Variants in AKAP13 observed in about 807,000 individuals in gnomAD.
The protein encoded by AKAP13 is A-kinase anchoring protein 13.
A neutral mutation model predicts 264.5 loss-of-function variants in AKAP13; 80 were observed. The ratio of observed to expected loss-of-function variants is 0.30; its 90% CI spans 0.25 to 0.36. The LOEUF is 0.36. AKAP13 is among the 10% of genes least tolerant of loss of function. The probability of loss-of-function intolerance (pLI) is 1.00; values close to 1 mark genes in which losing one functional copy is unlikely to be tolerated. For synonymous variants in AKAP13, 1,380 were observed against 1,250.2 expected (o/e 1.10, Z -2.19); for missense variants, 3,712 against 3,435.2 (o/e 1.08, Z -2.01).
intron 1 of AKAP13, among the ~76,000 whole-genome samples, chr15:85,468,504 T>C (rs1287080945): frequency 6.6e-6 from 1 of 152,224 alleles, no homozygotes; most frequent in Non-Finnish European, 1.5e-5. Context: ...CATATTAGCA[T>C]TTTAACAATA....
intron 17 of AKAP13, among the ~76,000 whole-genome samples, chr15:85,705,590 A>C (rs1195063497): frequency 6.6e-6 from 1 of 152,256 alleles, no homozygotes; most frequent in Non-Finnish European, 1.5e-5. Flanking sequence ...TTTGAACGAC[A>C]TTAGAGTGTG....
rs756586408 is a variant in AKAP13, at chr15:85,581,507, G to A, written c.3439G>A (p.Val1147Ile). Residue 1147 changes from valine to isoleucine, a missense_variant, in exon 7 of 37, where the codon GTT (valine) becomes ATT (isoleucine). Around this residue, in one of 3 missense-constraint regions of AKAP13, gnomAD observed 2,759 missense variants for 2,411.7 expected, o/e 1.14. Coordinates refer to ENST00000394518, the MANE Select transcript of AKAP13 (RefSeq NM_007200.5). ...QDKAVTDPQG[V>I]GTPEMIPLDW... Reference sequence around the variant, plus strand: ...CAAAGCTGTGACTGACCCACAGGGAGTTGGAACCCCAGAGATGATACCTCT... The same window carrying A: ...CAAAGCTGTGACTGACCCACAGGGAATTGGAACCCCAGAGATGATACCTCT... 2 of 1,614,244 alleles carry A rather than the reference G, an allele frequency of 1.2e-6. No homozygotes were observed. The highest frequency in any genetic ancestry group is 2.2e-5 in the South Asian group (2 of 91,088).
In AKAP13 at chr15:85,724,421, GGAGAAAGTGTTCCCCACACTAAGGAA is replaced by G. The variant is rs1794307174; in HGVS notation, c.6745+1111_6745+1136del. Reference sequence around the variant, plus strand: ...AGTCTTGAAGGATGACGGCACATAAGGAGAAAGTGTTCCCCACACTAAGGAAGAGAAAGTGGAAGCACAGAGTTGAA... The same window carrying G: ...AGTCTTGAAGGATGACGGCACATAAGGAGAAAGTGGAAGCACAGAGTTGAA... On this transcript the variant is annotated intron_variant, in intron 26 of 36. Coordinates refer to ENST00000394518, the MANE Select transcript of AKAP13 (RefSeq NM_007200.5). The surrounding 1 kb of genome is among the most constrained non-coding windows in gnomAD (Gnocchi z 4.2). Among the ~76,000 whole-genome samples the G allele has an allele frequency of 6.6e-6, 1 of 152,130 alleles. No individual in the cohort carries two copies. Among genetic ancestry groups the G allele is most frequent in the East Asian group, 1.9e-4 (1 of 5,140 alleles).
intron 14 of AKAP13, among the ~76,000 whole-genome samples, chr15:85,675,310 G>A (rs896225257): frequency 6.6e-6 from 1 of 152,200 alleles, no homozygotes; most frequent in Non-Finnish European, 1.5e-5. Context: ...AGAAACTAGT[G>A]TGTATTTGTA....
intron 8 of AKAP13, among the ~76,000 whole-genome samples, chr15:85,593,897 A>G (rs1325118415): frequency 6.6e-6 from 1 of 152,216 alleles, no homozygotes; most frequent in Non-Finnish European, 1.5e-5. Flanking sequence ...AGTTTTGCCA[A>G]CTACCAGCTG....
rs2077660797 is a variant in AKAP13, at chr15:85,544,247, C to G, written c.662+292C>G. On this transcript the variant is annotated intron_variant, in intron 5 of 36. Coordinates refer to ENST00000394518, the MANE Select transcript of AKAP13 (RefSeq NM_007200.5). ...ACTCAAAAGTCAGAATGAGCCTTGT[C>G]TGTGGAGGTAGCATAACATTACCAA... 5 of 505,444 alleles carry G rather than the reference C, an allele frequency of 9.9e-6. No homozygotes were observed. In the Admixed American group the frequency reaches 1.2e-4, roughly 12 times the overall value. The allele number at this position is 505,444 out of a possible 1,614,324, so 31.3% of individuals were successfully genotyped here. A position where few individuals can be genotyped will look rare whatever the true frequency, so the allele number is the denominator to read the frequency against.
chr15:85,522,770 A>T (rs1420368572), intron 3 of AKAP13, among the ~76,000 whole-genome samples: 1 of 152,126 alleles, frequency 6.6e-6, no homozygotes, highest in African/African-American at 2.4e-5. Flanking sequence ...AATCCTCAGA[A>T]ATCATTCCTG....
intron 1 of AKAP13, among the ~76,000 whole-genome samples, chr15:85,463,650 C>T (rs1345775260): frequency 6.6e-6 from 1 of 152,146 alleles, no homozygotes; most frequent in Non-Finnish European, 1.5e-5. Context: ...TCTTTGCTTT[C>T]CTTTCCTGCT....
intron 18 of AKAP13, among the ~76,000 whole-genome samples, chr15:85,709,659 A>AATTTCATTTTATTTT (rs2086517290): frequency 7.3e-6 from 1 of 137,762 alleles, no homozygotes; most frequent in Non-Finnish European, 1.6e-5. Flanking sequence ...TAAAAGGGGG[A>AATTTCATTTTATTTT]ATTTTATTTT....
chr15:85,677,160 C>A, intron 14 of AKAP13: 1 of 984,230 alleles, frequency 1.0e-6, no homozygotes, highest in East Asian at 1.1e-4. Flanking sequence ...TCAGAAAATG[C>A]TGTAGGCTTG....
intron 16 of AKAP13, among the ~76,000 whole-genome samples, chr15:85,687,236 C>T (rs2084988798): frequency 6.9e-6 from 1 of 145,806 alleles, no homozygotes; most frequent in Non-Finnish European, 1.6e-5. Flanking sequence ...CAACCTCACA[C>T]AACCTCCTGT....
chr15:85,584,216 G>A (rs1160904435), intron 7 of AKAP13, among the ~76,000 whole-genome samples: 2 of 152,240 alleles, frequency 1.3e-5, no homozygotes, highest in Non-Finnish European at 2.9e-5. Flanking sequence ...CAGTTTGAAA[G>A]AAGGGGATGT....
chr15:85,571,132 A>G (rs528844935), intron 5 of AKAP13, among the ~76,000 whole-genome samples: 3 of 152,316 alleles, frequency 2.0e-5, no homozygotes, highest in East Asian at 1.9e-4. Context: ...ACAGGTGAGT[A>G]AAAGGATTAC....
chr15:85,488,760 CT>C (rs919838201), intron 2 of AKAP13, among the ~76,000 whole-genome samples: 4 of 152,216 alleles, frequency 2.6e-5, no homozygotes, highest in Non-Finnish European at 5.9e-5. Flanking sequence ...CAAAAGAACA[CT>C]TTCTCCACAT....
intron 19 of AKAP13, among the ~76,000 whole-genome samples, chr15:85,711,715 T>C (rs338532): frequency 0.94 from 143,731 of 152,302 alleles, 67,887 homozygotes; most frequent in East Asian, 0.99. Flanking sequence ...GTGAGACTTT[T>C]CCCAGGCAGT....
chr15:85,693,290 A>T lies in AKAP13; in HGVS notation c.5303A>T (p.Glu1768Val). 6.3e-7 allele frequency: 1 copy of T among 1,592,464 alleles called. No individual in the cohort carries two copies. The change falls in exon 17 of 37, where the codon GAA becomes GTA. Residue 1768 changes from glutamate (E) to valine (V), a missense_variant. By Grantham distance (121) the Glu-to-Val change is moderately radical (BLOSUM62 -2). Coordinates refer to ENST00000394518, the MANE Select transcript of AKAP13 (RefSeq NM_007200.5). ...SSKKSKEKEK[E>V]KDKIKEKEKD... is the part of the protein sequence containing the mutation. The stretch of plus-strand genomic sequence containing the variant: ...TTTCTTCGGCAGGAAAAGGAAAAAG[A>T]AAAAGATAAGATTAAGGAGAAGGAG...
intron 17 of AKAP13, among the ~76,000 whole-genome samples, chr15:85,697,254 T>C (rs1367191577): frequency 6.6e-6 from 1 of 152,096 alleles, no homozygotes; most frequent in Non-Finnish European, 1.5e-5. Flanking sequence ...AATTAGGGGA[T>C]GTACAAGCAA....
At chr15:85,525,862 G>T (rs1401796507) in intron 3 of AKAP13, among the ~76,000 whole-genome samples, 1 of 152,152 alleles carries the variant, frequency 6.6e-6, no homozygotes, top group Non-Finnish European at 1.5e-5. Flanking sequence ...ATGAAACTGT[G>T]AATTTAGACC....
chr15:85,580,953 A>G lies in AKAP13; in HGVS notation c.2885A>G (p.Gln962Arg). ...RTPPPGQDTQ[Q>R]FHEKSISADC... ...CCACCTCCTGGACAAGATACTCAAC[A>G]ATTTCATGAAAAATCAATCTCAGCT... Residue 962 changes from glutamine to arginine, a missense_variant, in exon 7 of 37, where the codon CAA becomes CGA. By Grantham distance (43) the Gln-to-Arg change is conservative. Coordinates refer to ENST00000394518, the MANE Select transcript of AKAP13 (RefSeq NM_007200.5). 6.2e-7 allele frequency: 1 copy of G among 1,614,106 alleles called. No homozygotes were observed. Among genetic ancestry groups the G allele is most frequent in the South Asian group, 1.1e-5 (1 of 91,082 alleles).
Sources: gnomAD v4.1 joint callset for allele counts (sites outside exome capture counted in the v4.1 genomes callset) on GRCh38, gnomAD v4.1.1 for gene constraint, gnomAD v4.1.1 regional missense constraint, Gnocchi (gnomAD v3.1) non-coding constraint, MANE v1.5 for transcripts, NCBI Gene and HGNC (gene_info 2026-07-23, HGNC 2026-07-21) for gene names.